NAALADL2: variants seen among roughly 807,000 people sequenced by gnomAD.
NAALADL2 encodes the protein N-acetylated alpha-linked acidic dipeptidase like 2, also known as inactive N-acetylated-alpha-linked acidic dipeptidase-like protein 2.
NAALADL2 carries 76 observed loss-of-function variants against 87.2 expected under a neutral mutation model. The observed-to-expected ratio is 0.87, with a 90% CI of 0.72 to 1.05. The LOEUF is 1.05. NAALADL2 is among the 50% of genes least tolerant of loss of function. The pLI, the probability that NAALADL2 is intolerant of heterozygous loss-of-function variation, is 0.00. For synonymous variants in NAALADL2, 354 were observed against 331.0 expected (o/e 1.07, Z -0.75); for missense variants, 1,089 against 945.8 (o/e 1.15, Z -1.99).
At chr3:174,594,389 C>T (rs1717673782) in intron 2 of NAALADL2, among the ~76,000 whole-genome samples, 1 of 152,172 alleles carries the variant, frequency 6.6e-6, no homozygotes, top group Admixed American at 6.5e-5. Flanking sequence ...TATTTTATGA[C>T]ATCGTTGGGA....
intron 2 of NAALADL2, among the ~76,000 whole-genome samples, chr3:175,211,852 G>A (rs887068306): frequency 4.6e-5 from 7 of 151,884 alleles, no homozygotes; most frequent in African/African-American, 7.2e-5. Context: ...TATTCATTAC[G>A]AAAAATATTT....
intron 1 of NAALADL2, among the ~76,000 whole-genome samples, chr3:175,046,035 T>A (rs535108321): frequency 6.6e-6 from 1 of 151,990 alleles, no homozygotes; most frequent in Non-Finnish European, 1.5e-5. Flanking sequence ...ATTTTGGAAA[T>A]AATATTTTTT....
intron 1 of NAALADL2, among the ~76,000 whole-genome samples, chr3:174,930,877 C>T (rs1198808952): frequency 6.6e-6 from 1 of 151,912 alleles, no homozygotes; most frequent in Non-Finnish European, 1.5e-5. Context: ...CCACCTCGGC[C>T]TCCCAAAGTG....
intron 13 of NAALADL2, among the ~76,000 whole-genome samples, chr3:175,782,929 G>C (rs1285596840): frequency 6.8e-6 from 1 of 147,234 alleles, no homozygotes; most frequent in East Asian, 2.0e-4. Flanking sequence ...CATATGGCTA[G>C]CCAGTTTTCC....
intron 5 of NAALADL2, among the ~76,000 whole-genome samples, chr3:175,352,867 G>C (rs1392101380): frequency 6.6e-6 from 1 of 151,740 alleles, no homozygotes; most frequent in African/African-American, 2.4e-5. Flanking sequence ...AAGACAAGAA[G>C]AATCTTTCGT....
At chr3:174,815,193 A>G (rs1181469822) in intron 3 of NAALADL2, among the ~76,000 whole-genome samples, 1 of 152,140 alleles carries the variant, frequency 6.6e-6, no homozygotes, top group Admixed American at 6.5e-5. Context: ...AGTTTGCCAG[A>G]GCTGTTGTAA....
At position 174,851,401 on chromosome 3, in the gene NAALADL2, TAAATA is replaced by T. The variant is rs1725246725; in HGVS notation, c.-9+113660_-9+113664del. 7.5e-5 allele frequency among the ~76,000 whole-genome samples: 9 copies of T among 119,300 alleles called. No individual in the cohort carries two copies. The South Asian group carries it at 2.3e-3, about 31-fold the overall frequency. 78.3% of individuals were successfully genotyped at this position (119,300 alleles called of 152,430 possible). A position where few individuals can be genotyped will look rare whatever the true frequency, so the allele number is the denominator to read the frequency against. ...AAAAAAATCAGAGAGAAGACCCAAA[TAAATA>T]AAATCAGAGTTGAAAAAGGAGACAT... On this transcript the variant is annotated intron_variant, in intron 3 of 3. Coordinates refer to the NAALADL2 transcript ENST00000434257.
intron 11 of NAALADL2, among the ~76,000 whole-genome samples, chr3:175,632,628 G>A (rs1014402342): frequency 6.6e-6 from 1 of 152,042 alleles, no homozygotes; most frequent in Non-Finnish European, 1.5e-5. Flanking sequence ...ATAGAGTGAA[G>A]AGTCAAAGAT....
chr3:174,984,510 C>G (rs139181100), intron 1 of NAALADL2, among the ~76,000 whole-genome samples: 273 of 152,060 alleles, frequency 1.8e-3, no homozygotes, highest in African/African-American at 6.4e-3. Flanking sequence ...ATCTTATTGT[C>G]AGTGCAAAAC....
At chr3:175,201,227 A>T (rs371724298) in intron 2 of NAALADL2, among the ~76,000 whole-genome samples, 13 of 152,196 alleles carry the variant, frequency 8.5e-5, no homozygotes, top group African/African-American at 2.7e-4. Flanking sequence ...ATGCTCCGTA[A>T]CATTTGTGGA....
At chr3:174,942,504 T>A (rs1435664549) in intron 1 of NAALADL2, among the ~76,000 whole-genome samples, 2 of 152,170 alleles carry the variant, frequency 1.3e-5, no homozygotes, top group Non-Finnish European at 2.9e-5. Context: ...CTGACAATTA[T>A]GTGTGTTGGG....
At chr3:175,062,802 T>C (rs1713783628) in intron 1 of NAALADL2, among the ~76,000 whole-genome samples, 1 of 152,178 alleles carries the variant, frequency 6.6e-6, no homozygotes, top group South Asian at 2.1e-4. Context: ...AAACAAACCC[T>C]AATTGTATTT....
At chr3:175,225,477 A>T (rs909563339) in intron 2 of NAALADL2, among the ~76,000 whole-genome samples, 1 of 152,070 alleles carries the variant, frequency 6.6e-6, no homozygotes, top group Non-Finnish European at 1.5e-5. Flanking sequence ...AAAACGCTTA[A>T]TTTTTTAAGA....
chr3:175,588,068 A>G (rs1457154782), intron 10 of NAALADL2, among the ~76,000 whole-genome samples: 2 of 149,014 alleles, frequency 1.3e-5, no homozygotes, highest in East Asian at 2.0e-4. Context: ...TGTTGATTTA[A>G]CTTTGAAAAA....
intron 2 of NAALADL2, among the ~76,000 whole-genome samples, chr3:174,735,504 T>TC (rs917509149): frequency 1.3e-5 from 2 of 152,184 alleles, no homozygotes; most frequent in African/African-American, 2.4e-5. Flanking sequence ...AATCCTTTTT[T>TC]CCCAAAGAGA....
intron 9 of NAALADL2, among the ~76,000 whole-genome samples, chr3:175,554,756 T>G (rs116046575): frequency 0.031 from 4,692 of 152,244 alleles, 207 homozygotes; most frequent in African/African-American, 0.11. Flanking sequence ...ATAATTACAT[T>G]AGTACATATT....
chr3:175,244,054 C>A (rs962659724), intron 3 of NAALADL2, among the ~76,000 whole-genome samples: 2 of 152,174 alleles, frequency 1.3e-5, no homozygotes, highest in African/African-American at 4.8e-5. Flanking sequence ...CGATGTCTCT[C>A]CATTGCCCTC....
At chr3:175,179,787 A>T (rs1361368143) in intron 2 of NAALADL2, among the ~76,000 whole-genome samples, 1 of 151,938 alleles carries the variant, frequency 6.6e-6, no homozygotes, top group African/African-American at 2.4e-5. Flanking sequence ...ATTTTGTTGC[A>T]TTTCAATTAC....
chr3:175,318,415 A>G (rs971035554), intron 4 of NAALADL2, among the ~76,000 whole-genome samples: 1 of 152,102 alleles, frequency 6.6e-6, no homozygotes, highest in Non-Finnish European at 1.5e-5. Context: ...GATGATCATG[A>G]ATTACTTTAG....
Sources: gnomAD v4.1 joint callset for allele counts (sites outside exome capture counted in the v4.1 genomes callset) on GRCh38, gnomAD v4.1.1 for gene constraint, MANE v1.5 for transcripts, NCBI Gene and HGNC (gene_info 2026-07-23, HGNC 2026-07-21) for gene names.